FOXP1: variants seen among roughly 807,000 people sequenced by gnomAD.
FOXP1 encodes forkhead box protein P1.
Under a neutral mutation model 98.2 loss-of-function variants are expected in FOXP1, and 15 were observed. The observed-to-expected ratio is 0.15, with a 90% CI of 0.10 to 0.24. The LOEUF (loss-of-function observed/expected upper bound fraction) is 0.24. FOXP1 is among the 10% of genes least tolerant of loss of function. The pLI is 1.00. For synonymous variants in FOXP1, 371 were observed against 314.5 expected (o/e 1.18, Z -1.90); for missense variants, 633 against 848.5 (o/e 0.75, Z 3.15).
At chr3:71,101,568 G>A (rs1186930600) in intron 7 of FOXP1, among the ~76,000 whole-genome samples, 1 of 151,142 alleles carries the variant, frequency 6.6e-6, no homozygotes, top group Non-Finnish European at 1.5e-5. Context: ...AGACAGGTTA[G>A]AAGGATGGAG....
intron 13 of FOXP1, among the ~76,000 whole-genome samples, chr3:70,991,005 A>G (rs2040515328): frequency 6.6e-6 from 1 of 152,042 alleles, no homozygotes. Context: ...GCACATAACA[A>G]GCTTAGCAAA....
chr3:71,138,277 A>T (rs537740515), intron 6 of FOXP1, among the ~76,000 whole-genome samples: 1 of 152,330 alleles, frequency 6.6e-6, no homozygotes, highest in South Asian at 2.1e-4. Flanking sequence ...GGAAATAAGA[A>T]CACTTCCAAC....
intron 11 of FOXP1, among the ~76,000 whole-genome samples, chr3:71,019,548 G>A (rs2045077802): frequency 1.3e-5 from 2 of 152,164 alleles, no homozygotes; most frequent in South Asian, 2.1e-4. Flanking sequence ...ATAGGTTTGA[G>A]TTCGGGGGCG....
chr3:70,966,007 C>T lies in FOXP1; in HGVS notation c.1772G>A (p.Gly591Glu), dbSNP rs1364685833. 6.2e-7 allele frequency: 1 copy of T among 1,614,098 alleles called. No homozygotes were observed. Among genetic ancestry groups the T allele is most frequent in the Non-Finnish European group, 8.5e-7 (1 of 1,180,024 alleles). Reference sequence around the variant, plus strand: ...GGCTAAGTTGCCCAGAGTGGGATTTCCCATGGAAGCGGTAGTGTATAGAGG... The same window carrying T: ...GGCTAAGTTGCCCAGAGTGGGATTTTCCATGGAAGCGGTAGTGTATAGAGG... Reference protein sequence around the residue: ...SIPLYTTASMGNPTLGNLASA... With the variant: ...SIPLYTTASMENPTLGNLASA... Residue 591 changes from glycine to glutamate, a missense_variant, in exon 20 of 21, where the codon GGA (glycine) becomes GAA (glutamate). Gly to Glu is a moderately conservative substitution (Grantham distance 98). This residue lies in a region of FOXP1 where 150 missense variants were observed against 163.7 expected (regional missense o/e 0.92). Transcript: ENST00000649528.
chr3:71,114,618 G>A (rs1317703042), intron 6 of FOXP1, among the ~76,000 whole-genome samples: 1 of 152,186 alleles, frequency 6.6e-6, no homozygotes, highest in Non-Finnish European at 1.5e-5. Flanking sequence ...ATCCACCCCC[G>A]TGTCCCAGGG....
chr3:71,559,994 C>T (rs1455970198), intron 2 of FOXP1, among the ~76,000 whole-genome samples: 3 of 152,072 alleles, frequency 2.0e-5, no homozygotes, highest in Non-Finnish European at 4.4e-5. Flanking sequence ...TAGCCATCTT[C>T]CTACAAAGAG....
intron 6 of FOXP1, among the ~76,000 whole-genome samples, chr3:71,138,391 C>T (rs1257355236): frequency 6.6e-6 from 1 of 151,788 alleles, no homozygotes; most frequent in African/African-American, 2.4e-5. Flanking sequence ...TTTGTATTCA[C>T]GTGAATTAAC....
At position 70,988,809 on chromosome 3, in the gene FOXP1, G is replaced by A. The variant is rs111599264; in HGVS notation, c.1063-732C>T. Among the ~76,000 whole-genome samples, 10 of 152,276 alleles carry A rather than the reference G, an allele frequency of 6.6e-5. No individual in the cohort carries two copies. The East Asian group carries it at 1.9e-3, about 29-fold the overall frequency. On this transcript the variant is annotated intron_variant, in intron 13 of 20. Coordinates refer to ENST00000649528, the MANE Select transcript of FOXP1 (RefSeq NM_001349338.3). ...TGCTTCGCTTGGACTGCTTTAACTC[G>A]ATATTTTCAATAGTTCAAGACAGTT...
At chr3:71,381,770 T>C (rs977294039) in intron 3 of FOXP1, among the ~76,000 whole-genome samples, 7 of 152,084 alleles carry the variant, frequency 4.6e-5, no homozygotes, top group Non-Finnish European at 8.8e-5. Flanking sequence ...CACAAAGAAC[T>C]CCTTTTAGTA....
intron 7 of FOXP1, among the ~76,000 whole-genome samples, chr3:71,104,141 C>CA (rs1309540691): frequency 6.6e-6 from 1 of 152,160 alleles, no homozygotes. Flanking sequence ...TCTATACTCC[C>CA]ATTGCACTGG....
At chr3:71,477,525 T>G (rs147398711) in intron 3 of FOXP1, among the ~76,000 whole-genome samples, 2,304 of 152,348 alleles carry the variant, frequency 0.015, 33 homozygotes, top group Non-Finnish European at 0.024. Flanking sequence ...AATTTTTGAT[T>G]CAAATAATTA....
At chr3:71,330,371 T>C (rs951554683) in intron 4 of FOXP1, among the ~76,000 whole-genome samples, 7 of 152,224 alleles carry the variant, frequency 4.6e-5, no homozygotes. Flanking sequence ...TATGTTTTTA[T>C]AAAACTTTTC....
intron 6 of FOXP1, among the ~76,000 whole-genome samples, chr3:71,139,487 G>A (rs972470466): frequency 1.3e-5 from 2 of 149,440 alleles, no homozygotes; most frequent in Middle Eastern, 3.4e-3. Context: ...TGAATGTAGA[G>A]TGATTAAAAA....
intron 3 of FOXP1, among the ~76,000 whole-genome samples, chr3:71,490,703 T>C (rs2091002779): frequency 1.3e-5 from 2 of 152,220 alleles, no homozygotes. Context: ...ATCATTTTCA[T>C]TATAGTTCTT....
At chr3:71,042,519 C>T (rs1289817828) in intron 10 of FOXP1, among the ~76,000 whole-genome samples, 1 of 152,128 alleles carries the variant, frequency 6.6e-6, no homozygotes, top group East Asian at 1.9e-4. Context: ...AAAACAACAA[C>T]AACGACAACA....
intron 3 of FOXP1, among the ~76,000 whole-genome samples, chr3:71,389,977 C>T (rs887484100): frequency 1.1e-4 from 17 of 152,154 alleles, no homozygotes; most frequent in African/African-American, 3.9e-4. Context: ...GGTTTCTTGC[C>T]GAGGCAGCAA....
At chr3:71,158,778 A>T (rs1353984832) in intron 6 of FOXP1, among the ~76,000 whole-genome samples, 1 of 150,370 alleles carries the variant, frequency 6.7e-6, no homozygotes, top group African/African-American at 2.4e-5. Flanking sequence ...CTGATATGTT[A>T]CGTTGTCAAA....
chr3:71,331,941 T>A (rs1053121571), intron 4 of FOXP1, among the ~76,000 whole-genome samples: 1 of 152,142 alleles, frequency 6.6e-6, no homozygotes, highest in African/African-American at 2.4e-5. Flanking sequence ...AATGCACCAA[T>A]CAGCACCCTG....
chr3:71,307,202 A>T (rs1317421768), intron 4 of FOXP1, among the ~76,000 whole-genome samples: 1 of 152,186 alleles, frequency 6.6e-6, no homozygotes, highest in African/African-American at 2.4e-5. Context: ...TTATTACTGT[A>T]TTTGGACTAA....
Sources: gnomAD v4.1 joint callset for allele counts (sites outside exome capture counted in the v4.1 genomes callset) on GRCh38, gnomAD v4.1.1 for gene constraint, gnomAD v4.1.1 regional missense constraint, MANE v1.5 for transcripts, NCBI Gene and HGNC (gene_info 2026-07-23, HGNC 2026-07-21) for gene names.